The following PAK3 variants were observed in gnomAD, a reference collection of about 807,000 sequenced individuals.
The protein encoded by PAK3 is p21 (RAC1) activated kinase 3.
Under a neutral mutation model 41.0 loss-of-function variants are expected in PAK3, and 4 were observed. The ratio of observed to expected loss-of-function variants is 0.10; its 90% CI spans 0.05 to 0.22. The LOEUF (loss-of-function observed/expected upper bound fraction) is 0.22. Ranked by LOEUF, PAK3 falls within the 10% of genes least tolerant of loss-of-function variation. The pLI is 1.00. For synonymous variants in PAK3, 146 were observed against 139.6 expected, an observed-to-expected ratio of 1.05 and a Z score of -0.32; for missense variants, 205 against 409.9, an observed-to-expected ratio of 0.50 and a Z score of 4.32.
intron 1 of PAK3, among the ~76,000 whole-genome samples, chrX:110,948,900 A>C (rs943553516): frequency 8.9e-6 from 1 of 112,333 alleles, no homozygotes; most frequent in African/African-American, 3.2e-5. Flanking sequence ...TGGAGTACAT[A>C]GTGGAGATGC....
At chrX:111,133,435 A>G (rs1454755179) in intron 5 of PAK3, among the ~76,000 whole-genome samples, 1 of 112,163 alleles carries the variant, frequency 8.9e-6, no homozygotes, top group Non-Finnish European at 1.9e-5. Context: ...TATTCTGCCC[A>G]ACTTAGCACC....
At chrX:111,135,273 AAGAGTTGTTATTTCCTGTTTTTGAT>A (rs972584642) in intron 5 of PAK3, among the ~76,000 whole-genome samples, 6 of 111,849 alleles carry the variant, frequency 5.4e-5, no homozygotes, top group African/African-American at 1.9e-4. Flanking sequence ...GAAACAAAAG[AAGAGTTGTTATTTCCTGTTTTTGAT>A]AGAGAAAAGC....
rs749868787 is a variant in PAK3 at position 110,983,022 on chromosome X, T to C, written c.-28+38394T>C. 4.4e-3 allele frequency among the ~76,000 whole-genome samples: 493 copies of C among 111,030 alleles called. 3 individuals are homozygous for C. Among genetic ancestry groups the C allele is most frequent in the African/African-American group, 0.015 (470 of 30,545 alleles). On this transcript the variant is annotated intron_variant, in intron 1 of 14. Coordinates refer to the PAK3 transcript ENST00000425146. Reference sequence around the variant, plus strand: ...GCAGTGGGTTCCAAGTCAATGTGCCTGGAGTGAGGAGATTTAGCTTCACCT... The same window carrying C: ...GCAGTGGGTTCCAAGTCAATGTGCCCGGAGTGAGGAGATTTAGCTTCACCT...
intron 16 of PAK3, among the ~76,000 whole-genome samples, chrX:111,208,236 A>T (rs1211587688): frequency 8.8e-6 from 1 of 113,093 alleles, no homozygotes; most frequent in Admixed American, 9.3e-5. Context: ...AAACTGTTAC[A>T]AAGGAGTCAA....
intron 5 of PAK3, among the ~76,000 whole-genome samples, chrX:111,139,655 C>T (rs1300860041): frequency 8.9e-6 from 1 of 112,148 alleles, no homozygotes; most frequent in Admixed American, 9.4e-5. Flanking sequence ...GCTGATAAGG[C>T]ATTGGCAGTC....
At chrX:111,133,444 C>T (rs985216320) in intron 5 of PAK3, among the ~76,000 whole-genome samples, 1 of 112,094 alleles carries the variant, frequency 8.9e-6, no homozygotes, top group Non-Finnish European at 1.9e-5. Context: ...CAACTTAGCA[C>T]CTAATTTTCT....
chrX:111,029,973 A>G (rs2092321878), intron 1 of PAK3, among the ~76,000 whole-genome samples: 1 of 112,225 alleles, frequency 8.9e-6, no homozygotes, highest in Admixed American at 9.5e-5. Context: ...GAGGTTGGCT[A>G]CAAAATATTA....
intron 1 of PAK3, among the ~76,000 whole-genome samples, chrX:111,029,682 A>G (rs894873211): frequency 1.8e-5 from 2 of 111,963 alleles, no homozygotes; most frequent in Non-Finnish European, 3.8e-5. Flanking sequence ...TCTACAGTAC[A>G]TATCAAGCAA....
At chrX:110,967,662 C>T (rs1332776851) in intron 1 of PAK3, among the ~76,000 whole-genome samples, 2 of 111,787 alleles carry the variant, frequency 1.8e-5, no homozygotes, top group Admixed American at 1.9e-4. Flanking sequence ...AATGTCAAGA[C>T]ACTACGGGCC....
At chrX:110,953,678 G>A (rs2090791879) in intron 1 of PAK3, among the ~76,000 whole-genome samples, 1 of 111,652 alleles carries the variant, frequency 9.0e-6, no homozygotes, top group African/African-American at 3.3e-5. Flanking sequence ...GGGAAGTCCA[G>A]GTCACCTAGG....
At chrX:111,039,845 A>G (rs764378988) in intron 1 of PAK3, among the ~76,000 whole-genome samples, 7 of 109,617 alleles carry the variant, frequency 6.4e-5, no homozygotes, top group Non-Finnish European at 1.1e-4. Context: ...CAGAGGCCCA[A>G]GCTCAGAAGG....
chrX:111,149,421 C>A (rs1384554277), intron 7 of PAK3, among the ~76,000 whole-genome samples: 1 of 112,349 alleles, frequency 8.9e-6, no homozygotes, highest in Admixed American at 9.4e-5. Flanking sequence ...TGTGTGGGCT[C>A]TGAGCCCACA....
chrX:110,996,691 A>T (rs762251752), intron 1 of PAK3, among the ~76,000 whole-genome samples: 1 of 111,611 alleles, frequency 9.0e-6, no homozygotes, highest in Non-Finnish European at 1.9e-5. Flanking sequence ...ACATGCACAA[A>T]GAAGTCATAT....
intron 4 of PAK3, among the ~76,000 whole-genome samples, chrX:111,114,089 G>A (rs1324468802): frequency 2.7e-5 from 3 of 112,311 alleles, no homozygotes; most frequent in African/African-American, 6.5e-5. Flanking sequence ...ATAAACATAC[G>A]TGTTCATGTG....
chrX:111,176,553 G>A (rs777881177), intron 11 of PAK3, among the ~76,000 whole-genome samples: 1 of 111,251 alleles, frequency 9.0e-6, no homozygotes, highest in African/African-American at 3.3e-5. Context: ...TCTTTCCTCT[G>A]TCCTCTGTAT....
chrX:110,983,562 G>T (rs2091486798), intron 1 of PAK3, among the ~76,000 whole-genome samples: 1 of 109,719 alleles, frequency 9.1e-6, no homozygotes, highest in South Asian at 4.0e-4. Flanking sequence ...GAGAGAGAGA[G>T]AAATCTTGAG....
intron 16 of PAK3, among the ~76,000 whole-genome samples, chrX:111,203,408 G>C (rs1485294337): frequency 9.0e-6 from 1 of 111,429 alleles, no homozygotes; most frequent in Non-Finnish European, 1.9e-5. Context: ...TTCTGAAAAT[G>C]GAGTTCATCA....
chrX:111,128,030 G>A (rs923101320), intron 5 of PAK3, among the ~76,000 whole-genome samples: 2 of 112,394 alleles, frequency 1.8e-5, no homozygotes, highest in African/African-American at 6.5e-5. Flanking sequence ...ATTGCATAGT[G>A]CCTCCAAGAA....
At chrX:110,972,065 C>A (rs751128278) in intron 1 of PAK3, among the ~76,000 whole-genome samples, 1 of 111,232 alleles carries the variant, frequency 9.0e-6, no homozygotes, top group African/African-American at 3.3e-5. Flanking sequence ...TGTATATATA[C>A]ACACATATAT....
Sources: allele counts gnomAD v4.1 joint callset (sites outside exome capture counted in the v4.1 genomes callset), GRCh38; gene constraint gnomAD v4.1.1; transcripts MANE v1.5; gene names NCBI Gene and HGNC (gene_info 2026-07-23, HGNC 2026-07-21).